DAB1: variants seen among roughly 807,000 people sequenced by gnomAD.
DAB1 encodes the protein DAB adaptor protein 1, also known as disabled homolog 1.
A neutral mutation model predicts 64.6 loss-of-function variants in DAB1; 15 were observed. The ratio of observed to expected loss-of-function variants is 0.23; its 90% CI spans 0.16 to 0.36. The LOEUF (loss-of-function observed/expected upper bound fraction) is 0.36, where lower values mean the gene tolerates loss of function less well. DAB1 is among the 10% of genes least tolerant of loss of function. The probability of loss-of-function intolerance (pLI) is 1.00; values close to 1 mark genes in which losing one functional copy is unlikely to be tolerated. For synonymous variants in DAB1, 235 were observed against 251.9 expected (o/e 0.93, Z 0.64); for missense variants, 596 against 706.7 (o/e 0.84, Z 1.78).
rs114365803 is a variant in DAB1 at position 57,286,764 on chromosome 1, C to T, written c.67+4200G>A. Among the ~76,000 whole-genome samples, 372 of 152,182 alleles carry T rather than the reference C, an allele frequency of 2.4e-3. 1 individual carries two copies. The highest frequency in any genetic ancestry group is 8.6e-3 in the African/African-American group (359 of 41,516). ...AACTAATACCAGACACAAGGTTTGT[C>T]CCAGAAAAGAAGTTATACACCAATC... On this transcript the variant is annotated intron_variant, in intron 2 of 14. Coordinates refer to ENST00000371236, the MANE Select transcript of DAB1 (RefSeq NM_001365792.1).
At chr1:58,429,231 TA>T (rs1345134747) in intron 3 of DAB1, among the ~76,000 whole-genome samples, 4 of 152,022 alleles carry the variant, frequency 2.6e-5, no homozygotes, top group Non-Finnish European at 5.9e-5. Context: ...ACTCTGTCTC[TA>T]AAAAAAATTG....
chr1:58,222,864 T>C (rs1659250636), intron 4 of DAB1, among the ~76,000 whole-genome samples: 3 of 152,146 alleles, frequency 2.0e-5, no homozygotes, highest in Admixed American at 1.3e-4. Flanking sequence ...AAACAGCCCT[T>C]CAGGGTGGGT....
intron 4 of DAB1, among the ~76,000 whole-genome samples, chr1:58,226,165 A>G (rs550501386): frequency 2.6e-5 from 4 of 152,262 alleles, no homozygotes; most frequent in South Asian, 2.1e-4. Flanking sequence ...TCCATCAGCC[A>G]CAGCTATTTT....
At chr1:58,025,172 T>A (rs1298733075) in intron 5 of DAB1, among the ~76,000 whole-genome samples, 1 of 151,742 alleles carries the variant, frequency 6.6e-6, no homozygotes, top group East Asian at 1.9e-4. Flanking sequence ...CCCTTATACA[T>A]CTCTAGCAAC....
At chr1:58,145,366 A>G (rs900869918) in intron 5 of DAB1, among the ~76,000 whole-genome samples, 3 of 152,166 alleles carry the variant, frequency 2.0e-5, no homozygotes, top group Non-Finnish European at 4.4e-5. Context: ...TCCGCAACAC[A>G]TGACGCATCT....
At chr1:58,046,401 T>A (rs2100516284) in intron 5 of DAB1, among the ~76,000 whole-genome samples, 1 of 152,304 alleles carries the variant, frequency 6.6e-6, no homozygotes, top group South Asian at 2.1e-4. Flanking sequence ...ATCTTGTCCC[T>A]CCCATAGAAC....
chr1:58,344,310 T>C (rs1643970541), intron 3 of DAB1, among the ~76,000 whole-genome samples: 2 of 152,088 alleles, frequency 1.3e-5, no homozygotes, highest in Admixed American at 6.6e-5. Flanking sequence ...CAAGCATCAG[T>C]GATTAAAGGG....
chr1:57,839,925 T>C (rs888187377), intron 1 of DAB1, among the ~76,000 whole-genome samples: 2 of 152,166 alleles, frequency 1.3e-5, no homozygotes, highest in African/African-American at 2.4e-5. Flanking sequence ...TTGGAAAAAG[T>C]CAGTGTCACA....
At chr1:57,907,500 T>C (rs917343957) in intron 5 of DAB1, among the ~76,000 whole-genome samples, 8 of 152,224 alleles carry the variant, frequency 5.3e-5, no homozygotes, top group African/African-American at 1.9e-4. Context: ...ATTCATACTA[T>C]GTAATAAGTG....
chr1:57,811,268 G>C (rs12079421), intron 6 of DAB1, among the ~76,000 whole-genome samples: 18,199 of 152,198 alleles, frequency 0.12, 1,340 homozygotes, highest in Admixed American at 0.22. Flanking sequence ...GAAGGTGGGG[G>C]CTGGTGGAAG....
intron 6 of DAB1, among the ~76,000 whole-genome samples, chr1:57,807,811 C>T (rs1183449936): frequency 2.0e-5 from 3 of 152,138 alleles, no homozygotes; most frequent in Non-Finnish European, 2.9e-5. Flanking sequence ...CTCCTCCTCC[C>T]TCAGCCTATT....
intron 1 of DAB1, among the ~76,000 whole-genome samples, chr1:57,315,071 T>G (rs1330143272): frequency 6.6e-6 from 1 of 152,138 alleles, no homozygotes; most frequent in East Asian, 1.9e-4. Context: ...ATCTGAGAAA[T>G]GCCCACCACC....
intron 5 of DAB1, among the ~76,000 whole-genome samples, chr1:58,036,057 A>G (rs1647040805): frequency 6.6e-6 from 1 of 152,210 alleles, no homozygotes; most frequent in African/African-American, 2.4e-5. Flanking sequence ...TGAGGGAAAA[A>G]AAAGTCACTA....
intron 5 of DAB1, among the ~76,000 whole-genome samples, chr1:58,103,333 TC>T (rs1044046456): frequency 1.3e-5 from 2 of 152,112 alleles, no homozygotes; most frequent in Non-Finnish European, 2.9e-5. Context: ...TGGAAAACTT[TC>T]TCCGTAAAGG....
chr1:57,047,675 C>T (rs1026403815), intron 9 of DAB1, among the ~76,000 whole-genome samples: 4 of 152,162 alleles, frequency 2.6e-5, no homozygotes, highest in Non-Finnish European at 5.9e-5. Context: ...TTGTTTAAAC[C>T]ACCTCGTCTG....
intron 5 of DAB1, among the ~76,000 whole-genome samples, chr1:58,140,122 A>G (rs1654195673): frequency 6.6e-6 from 1 of 152,006 alleles, no homozygotes; most frequent in Non-Finnish European, 1.5e-5. Context: ...TTTCTTCAAC[A>G]TTTGCCAATG....
At chr1:57,724,271 G>T (rs374526791) in intron 6 of DAB1, among the ~76,000 whole-genome samples, 1,491 of 111,724 alleles carry the variant, frequency 0.013, 22 homozygotes, top group South Asian at 0.085. Flanking sequence ...AGGGAAAAAG[G>T]AAGGAAGGAA....
chr1:57,854,421 A>G (rs899082484), intron 1 of DAB1, among the ~76,000 whole-genome samples: 4 of 152,092 alleles, frequency 2.6e-5, no homozygotes, highest in African/African-American at 9.7e-5. Flanking sequence ...CCAACATGGG[A>G]AGGGGGTGAG....
chr1:57,455,341 C>A (rs1686546421), intron 7 of DAB1, among the ~76,000 whole-genome samples: 1 of 152,040 alleles, frequency 6.6e-6, no homozygotes, highest in Non-Finnish European at 1.5e-5. Flanking sequence ...TTTATTATCC[C>A]AAATTTACAG....
Sources: gnomAD v4.1 joint callset for allele counts (sites outside exome capture counted in the v4.1 genomes callset) on GRCh38, gnomAD v4.1.1 for gene constraint, MANE v1.5 for transcripts, NCBI Gene and HGNC (gene_info 2026-07-23, HGNC 2026-07-21) for gene names.